Variants in CMSS1 observed in about 807,000 individuals in gnomAD.
The protein encoded by CMSS1 is cms1 ribosomal small subunit homolog.
A neutral mutation model predicts 43.5 loss-of-function variants in CMSS1; 33 were observed. That is an observed-to-expected ratio of 0.76 (90% CI 0.57 to 1.01). The LOEUF (loss-of-function observed/expected upper bound fraction) is 1.01. CMSS1 is among the 50% of genes least tolerant of loss of function. CMSS1 has a pLI of 0.00. For synonymous variants in CMSS1, 115 were observed against 117.2 expected (o/e 0.98, Z 0.12); for missense variants, 313 against 326.4 (o/e 0.96, Z 0.32).
chr3:99,830,089 AG>A (rs1315207364), intron 1 of CMSS1: 1 of 154,036 alleles, frequency 6.5e-6, no homozygotes, highest in Non-Finnish European at 1.5e-5. Flanking sequence ...TGTTTTCACC[AG>A]AAAACTCTTG....
chr3:99,930,707 C>A, intron 1 of CMSS1: 1 of 1,574,756 alleles, frequency 6.4e-7, no homozygotes, highest in Non-Finnish European at 8.7e-7. Context: ...GCAGCAGGAA[C>A]ACCAAATTCA....
At chr3:100,172,098 C>G (rs2067115097) in intron 7 of CMSS1, 199 bp downstream of exon 7, 1 of 632,960 alleles carries the variant, frequency 1.6e-6, no homozygotes, top group Non-Finnish European at 2.8e-6. Flanking sequence ...CTGCCATGCT[C>G]TGTCCCTGTA....
In CMSS1 at chr3:100,125,867, C is replaced by T. The variant is rs149013972; in HGVS notation, c.65-21106C>T. Among the ~76,000 whole-genome samples, 158 of 152,264 alleles carry T rather than the reference C, an allele frequency of 1.0e-3. 3 individuals are homozygous for T. In the East Asian group the frequency reaches 0.022, roughly 22 times the overall value. On this transcript the variant is annotated intron_variant, in intron 1 of 9. Coordinates refer to ENST00000421999, the MANE Select transcript of CMSS1 (RefSeq NM_032359.4). ...ACTAGCCAGTGTAAATAAACTCTAG[C>T]CCTAGGGCATGAATGCAGCAAGATG... is the stretch of plus-strand genomic sequence containing the variant.
chr3:99,911,764 T>C (rs1178314969), intron 1 of CMSS1, among the ~76,000 whole-genome samples: 1 of 152,144 alleles, frequency 6.6e-6, no homozygotes, highest in Admixed American at 6.5e-5. Context: ...CACAATTAAT[T>C]AACTCATTCT....
intron 1 of CMSS1, among the ~76,000 whole-genome samples, chr3:100,004,604 T>C (rs1014079757): frequency 1.3e-5 from 2 of 152,140 alleles, no homozygotes; most frequent in Non-Finnish European, 2.9e-5. Context: ...AGAAACATCA[T>C]CATCATCAGG....
At chr3:100,152,984 C>A (rs1236739855) in intron 2 of CMSS1, among the ~76,000 whole-genome samples, 1 of 152,248 alleles carries the variant, frequency 6.6e-6, no homozygotes, top group African/African-American at 2.4e-5. Flanking sequence ...CCAGATACTT[C>A]AGCATGCATA....
chr3:100,111,846 T>C (rs2066496305), intron 1 of CMSS1, among the ~76,000 whole-genome samples: 1 of 152,238 alleles, frequency 6.6e-6, no homozygotes, highest in Non-Finnish European at 1.5e-5. Context: ...ATGTGTTTTC[T>C]AATTCAATTA....
chr3:99,932,594 A>G (rs1707518362), intron 1 of CMSS1, among the ~76,000 whole-genome samples: 1 of 152,210 alleles, frequency 6.6e-6, no homozygotes, highest in South Asian at 2.1e-4. Flanking sequence ...AACTTGATTA[A>G]GACATTGACC....
intron 1 of CMSS1, among the ~76,000 whole-genome samples, chr3:100,068,801 T>A (rs2065712316): frequency 6.6e-6 from 1 of 152,188 alleles, no homozygotes; most frequent in African/African-American, 2.4e-5. Flanking sequence ...CTAATTTTTG[T>A]ATTTTTAGTA....
At chr3:100,108,346 G>A (rs935210624) in intron 1 of CMSS1, among the ~76,000 whole-genome samples, 2 of 152,120 alleles carry the variant, frequency 1.3e-5, no homozygotes, top group African/African-American at 2.4e-5. Context: ...GATAATAACA[G>A]CCTCTCATTA....
rs77151846 is a variant in CMSS1, at chr3:100,175,352, G to A, written c.668-975G>A. 3.9e-5 allele frequency among the ~76,000 whole-genome samples: 6 copies of A among 152,238 alleles called. No homozygotes were observed. The East Asian group carries it at 1.2e-3, about 29-fold the overall frequency. ...ATGCTGAGATGGGCAGATCACTTGA[G>A]GTCAGGAATTTGAGATCAAATAAAA... is the stretch of plus-strand genomic sequence containing the variant. On this transcript the variant is annotated intron_variant, in intron 8 of 9. Transcript: ENST00000421999.
At chr3:100,036,374 A>G (rs964955175) in intron 1 of CMSS1, among the ~76,000 whole-genome samples, 3 of 152,196 alleles carry the variant, frequency 2.0e-5, no homozygotes, top group African/African-American at 7.2e-5. Context: ...TCAAAAAATG[A>G]TGAGGACATG....
intron 1 of CMSS1, among the ~76,000 whole-genome samples, chr3:99,864,236 G>A (rs1293853877): frequency 6.6e-6 from 1 of 152,010 alleles, no homozygotes; most frequent in East Asian, 1.9e-4. Flanking sequence ...TTGAAAAACT[G>A]AGGCCCAGGC....
chr3:99,845,633 C>T (rs555739405), intron 1 of CMSS1, among the ~76,000 whole-genome samples: 2 of 152,286 alleles, frequency 1.3e-5, no homozygotes, highest in African/African-American at 4.8e-5. Context: ...TCCTCTCTCA[C>T]ACGCACACAA....
intron 1 of CMSS1, among the ~76,000 whole-genome samples, chr3:99,952,239 C>G (rs138528764): frequency 8.6e-4 from 131 of 152,050 alleles, no homozygotes; most frequent in African/African-American, 3.0e-3. Context: ...AGTCTCTGAT[C>G]ACAAAATTTG....
intron 1 of CMSS1, among the ~76,000 whole-genome samples, chr3:99,911,762 A>G (rs1706796593): frequency 6.6e-6 from 1 of 152,128 alleles, no homozygotes; most frequent in South Asian, 2.1e-4. Flanking sequence ...CTCACAATTA[A>G]TTAACTCATT....
chr3:100,155,407 G>T (rs1276642162), intron 2 of CMSS1, among the ~76,000 whole-genome samples: 1 of 151,940 alleles, frequency 6.6e-6, no homozygotes, highest in Non-Finnish European at 1.5e-5. Context: ...GTTTCCATAT[G>T]TTCCAACATC....
At chr3:100,090,260 A>G (rs2107430735) in intron 1 of CMSS1, among the ~76,000 whole-genome samples, 1 of 152,294 alleles carries the variant, frequency 6.6e-6, no homozygotes, top group South Asian at 2.1e-4. Context: ...CAAGATTCAA[A>G]TTTAACTGTC....
At chr3:100,117,872 T>TACAC (rs1418267291) in intron 1 of CMSS1, among the ~76,000 whole-genome samples, 10 of 136,900 alleles carry the variant, frequency 7.3e-5, no homozygotes, top group Admixed American at 1.5e-4. Context: ...TATATATATA[T>TACAC]ATATATACAC....
Sources: gnomAD v4.1 joint callset for allele counts (sites outside exome capture counted in the v4.1 genomes callset) on GRCh38, gnomAD v4.1.1 for gene constraint, MANE v1.5 for transcripts, NCBI Gene and HGNC (gene_info 2026-07-23, HGNC 2026-07-21) for gene names.